VAX2: variants seen among roughly 807,000 people sequenced by gnomAD.
VAX2 encodes the protein ventral anterior homeobox 2.
In VAX2, 8 loss-of-function variants were observed where a neutral mutation model predicts 12.5. The ratio of observed to expected loss-of-function variants is 0.64; its 90% CI spans 0.37 to 1.15. VAX2 has a LOEUF of 1.15. Among genes scored for constraint, VAX2 ranks in the 50% most tolerant of loss-of-function variants. The pLI is 0.01. For synonymous variants in VAX2, 183 were observed against 187.6 expected (o/e 0.98, Z 0.20); for missense variants, 476 against 412.9 (o/e 1.15, Z -1.32).
Position 70,904,991 on chromosome 2 carries a change from C to T in VAX2, c.247+4123C>T, listed in dbSNP as rs1679018407. 6.6e-6 allele frequency among the ~76,000 whole-genome samples: 1 copy of T among 152,220 alleles called. No homozygotes were observed. Among genetic ancestry groups the T allele is most frequent in the East Asian group, 1.9e-4 (1 of 5,176 alleles). On this transcript the variant is annotated intron_variant, in intron 1 of 2. Coordinates refer to ENST00000234392, the MANE Select transcript of VAX2 (RefSeq NM_012476.3). The surrounding 1 kb of genome is among the most constrained non-coding windows in gnomAD (Gnocchi z 4.2). Reference sequence around the variant, plus strand: ...CATACAAGGGGGCGCAGCTTCGGGGCTCTGGCTGGGAGGTTACTGCAGGGA... The same window carrying T: ...CATACAAGGGGGCGCAGCTTCGGGGTTCTGGCTGGGAGGTTACTGCAGGGA...
At chr2:70,917,142 ACT>A (rs1218635401) in intron 1 of VAX2, among the ~76,000 whole-genome samples, 1 of 100,962 alleles carries the variant, frequency 9.9e-6, no homozygotes, top group African/African-American at 4.4e-5. Flanking sequence ...CAAGAGTGAA[ACT>A]CTGTCTCAAA....
intron 1 of VAX2, among the ~76,000 whole-genome samples, chr2:70,919,156 C>A (rs1481611239): frequency 1.3e-5 from 1 of 76,002 alleles, no homozygotes; most frequent in East Asian, 4.1e-4. Flanking sequence ...ATCACTTGAA[C>A]CTGGGAGGCG....
In VAX2 at chr2:70,918,723, C is replaced by T. The variant is rs574663282; in HGVS notation, c.248-2375C>T. On this transcript the variant is annotated intron_variant, in intron 1 of 2. Transcript: ENST00000234392. ...TATCCTGGCTAACATGGTGAAACCC[C>T]GTCTTTACTAAAAATACAAAAAATT... Among the ~76,000 whole-genome samples the T allele has an allele frequency of 1.3e-3, 203 of 150,996 alleles. 1 individual carries two copies. Among genetic ancestry groups the T allele is most frequent in the African/African-American group, 4.8e-3 (196 of 41,052 alleles).
rs556801925 is a variant in VAX2 at position 70,921,344 on chromosome 2, G to A, written c.435+59G>A. On this transcript the variant is annotated intron_variant, in intron 2 of 2. Transcript: ENST00000234392. ...TCCTGGCAGCCTGGGAACTCCTGGG[G>A]ATATGAGGCCCTGTGAGCTGCTACA... is the stretch of plus-strand genomic sequence containing the variant. 5.9e-5 allele frequency: 88 copies of A among 1,490,290 alleles called. 1 individual carries two copies. The South Asian group carries it at 1.1e-3, about 19-fold the overall frequency. The allele number at this position is 1,490,290 out of a possible 1,614,324, so 92.3% of individuals were successfully genotyped here. A position where few individuals can be genotyped will look rare whatever the true frequency, so the allele number is the denominator to read the frequency against.
intron 1 of VAX2, among the ~76,000 whole-genome samples, chr2:70,906,521 T>C (rs1239369199): frequency 6.3e-5 from 1 of 15,924 alleles, no homozygotes; most frequent in African/African-American, 8.3e-4. Flanking sequence ...TTTCTTTTCC[T>C]TTTTTTTTTT....
At chr2:70,905,955 T>C (rs1679048280) in intron 1 of VAX2, among the ~76,000 whole-genome samples, 1 of 152,256 alleles carries the variant, frequency 6.6e-6, no homozygotes, top group African/African-American at 2.4e-5. Context: ...TCCCTTCTTG[T>C]TGGCTACATT....
chr2:70,920,558 C>G (rs539421553), intron 1 of VAX2, among the ~76,000 whole-genome samples: 1 of 152,062 alleles, frequency 6.6e-6, no homozygotes, highest in African/African-American at 2.4e-5. Flanking sequence ...TGTCCTCTAC[C>G]GCTCATCAGC....
At chr2:70,918,517 G>A (rs1175946422) in intron 1 of VAX2, among the ~76,000 whole-genome samples, 2 of 152,120 alleles carry the variant, frequency 1.3e-5, no homozygotes, top group African/African-American at 4.8e-5. Context: ...GTTCTCTAGG[G>A]GAATGATGAA....
At chr2:70,906,084 C>T (rs189209750) in intron 1 of VAX2, among the ~76,000 whole-genome samples, 3 of 152,316 alleles carry the variant, frequency 2.0e-5, no homozygotes, top group East Asian at 1.9e-4. Context: ...AGCCAGTAGC[C>T]GGTTACCTGG....
chr2:70,925,023 C>T (rs1371992908), intron 2 of VAX2, among the ~76,000 whole-genome samples: 2 of 152,070 alleles, frequency 1.3e-5, no homozygotes, highest in African/African-American at 4.8e-5. Flanking sequence ...CAGAAGGAGA[C>T]GTCAAGGCAG....
At chr2:70,924,331 A>C (rs2104780479) in intron 2 of VAX2, 1 of 148,910 alleles carries the variant, frequency 6.7e-6, no homozygotes, top group East Asian at 2.0e-4. Context: ...CCTCATTAGC[A>C]TACAACAGTA....
chr2:70,906,520 CTTTTTTTTTTTTTTT>C (rs869309305), intron 1 of VAX2, among the ~76,000 whole-genome samples: 11 of 60,608 alleles, frequency 1.8e-4, no homozygotes, highest in African/African-American at 8.2e-4. Context: ...TTTTCTTTTC[CTTTTTTTTTTTTTTT>C]TTTTTTTTTT....
chr2:70,923,058 T>G (rs1209616077), intron 2 of VAX2, among the ~76,000 whole-genome samples: 1 of 152,196 alleles, frequency 6.6e-6, no homozygotes, highest in Non-Finnish European at 1.5e-5. Context: ...TGTGTACATG[T>G]GTGTGGTGTT....
chr2:70,932,229 G>A (rs1572900813), intron 2 of VAX2, among the ~76,000 whole-genome samples: 1 of 152,330 alleles, frequency 6.6e-6, no homozygotes, highest in Admixed American at 6.5e-5. Flanking sequence ...GGGAGCGTGG[G>A]AAGCCTCTGT....
chr2:70,910,143 A>G (rs917109521), intron 1 of VAX2, among the ~76,000 whole-genome samples: 5 of 152,162 alleles, frequency 3.3e-5, no homozygotes, highest in African/African-American at 1.2e-4. Context: ...TGAAATACTC[A>G]TAAGTGAAAT....
At chr2:70,922,378 G>T (rs550281589) in intron 2 of VAX2, among the ~76,000 whole-genome samples, 2 of 152,182 alleles carry the variant, frequency 1.3e-5, no homozygotes, top group South Asian at 4.1e-4. Context: ...TGGAGTGAGG[G>T]CTTCCCGTCT....
intron 2 of VAX2, among the ~76,000 whole-genome samples, chr2:70,927,234 G>A (rs1375917639): frequency 6.6e-6 from 1 of 152,070 alleles, no homozygotes; most frequent in African/African-American, 2.4e-5. Flanking sequence ...ATAAGAGGAT[G>A]TGGCTGCAGA....
chr2:70,904,736 C>G lies in VAX2; in HGVS notation c.247+3868C>G, dbSNP rs1020572305. Among the ~76,000 whole-genome samples, 3 of 152,208 alleles carry G rather than the reference C, an allele frequency of 2.0e-5. No homozygotes were observed. Among genetic ancestry groups the G allele is most frequent in the Non-Finnish European group, 2.9e-5 (2 of 68,048 alleles). ...CTTTCACCCGGGAGCTGCATGGATG[C>G]GCGGATGGCTGGGGGCTGAGGGGAC... is the stretch of plus-strand genomic sequence containing the variant. On this transcript the variant is annotated intron_variant, in intron 1 of 2. Transcript: ENST00000234392. The surrounding 1 kb of genome is among the most constrained non-coding windows in gnomAD (Gnocchi z 4.2).
At chr2:70,929,911 A>C (rs978077751) in intron 2 of VAX2, among the ~76,000 whole-genome samples, 2 of 152,226 alleles carry the variant, frequency 1.3e-5, no homozygotes, top group Non-Finnish European at 2.9e-5. Flanking sequence ...TCCACGTGGC[A>C]AGGATTCACT....
Sources: allele counts gnomAD v4.1 joint callset (sites outside exome capture counted in the v4.1 genomes callset), GRCh38; gene constraint gnomAD v4.1.1; non-coding constraint Gnocchi (gnomAD v3.1); transcripts MANE v1.5; gene names NCBI Gene and HGNC (gene_info 2026-07-23, HGNC 2026-07-21).